TRPM3: variants seen among roughly 807,000 people sequenced by gnomAD.
The protein encoded by TRPM3 is transient receptor potential cation channel subfamily M member 3.
Under a neutral mutation model 181.2 loss-of-function variants are expected in TRPM3, and 77 were observed. That is an observed-to-expected ratio of 0.42 (90% confidence interval 0.35 to 0.51). The LOEUF (loss-of-function observed/expected upper bound fraction) is 0.51. Ranked by LOEUF, TRPM3 falls within the 20% of genes least tolerant of loss-of-function variation. The probability of loss-of-function intolerance (pLI) is 0.01; values close to 1 mark genes in which losing one functional copy is unlikely to be tolerated. For missense variants in TRPM3, 1,759 were observed against 2,196.7 expected (o/e 0.80, Z 3.98); for synonymous variants, 745 against 796.4 (o/e 0.94, Z 1.09).
chr9:71,427,111 C>T (rs931669993), intron 1 of TRPM3, among the ~76,000 whole-genome samples: 2 of 152,128 alleles, frequency 1.3e-5, no homozygotes, highest in Non-Finnish European at 2.9e-5. Flanking sequence ...TACCTTAGAA[C>T]AATAATGCCT....
chr9:71,144,338 T>C (rs2075292983), intron 1 of TRPM3, among the ~76,000 whole-genome samples: 1 of 152,184 alleles, frequency 6.6e-6, no homozygotes, highest in African/African-American at 2.4e-5. Context: ...TTCCAAGCCT[T>C]TTTAATCCTA....
chr9:71,183,096 TAGTC>T (rs1379245359), intron 1 of TRPM3, among the ~76,000 whole-genome samples: 1 of 152,126 alleles, frequency 6.6e-6, no homozygotes, highest in Admixed American at 6.5e-5. Flanking sequence ...AGGTAGTAAA[TAGTC>T]AGGGCTTTTT....
Position 71,325,278 on chromosome 9 carries a change from C to A in TRPM3, c.183+121375G>T, listed in dbSNP as rs566811661. On this transcript the variant is annotated intron_variant, in intron 1 of 24. Transcript: ENST00000357533. ...TTTAGTGAAATCGGACAAATATCAA[C>A]CAAAGTCAATTTCTATGTTGCAGGC... Among the ~76,000 whole-genome samples, 115 of 152,258 alleles carry A rather than the reference C, an allele frequency of 7.6e-4. 1 individual carries two copies. Among genetic ancestry groups the A allele is most frequent in the African/African-American group, 2.6e-3 (107 of 41,546 alleles).
At chr9:70,980,623 A>C (rs1352427559) in intron 1 of TRPM3, among the ~76,000 whole-genome samples, 2 of 152,040 alleles carry the variant, frequency 1.3e-5, no homozygotes, top group African/African-American at 4.8e-5. Context: ...TGATTTACTC[A>C]TTCTTCTGTA....
At chr9:71,393,187 T>C (rs1340331135) in intron 1 of TRPM3, among the ~76,000 whole-genome samples, 5 of 152,116 alleles carry the variant, frequency 3.3e-5, no homozygotes, top group African/African-American at 1.2e-4. Context: ...GAGAAGTGAA[T>C]TGACTTTCAG....
intron 1 of TRPM3, among the ~76,000 whole-genome samples, chr9:70,963,911 T>C (rs2097161685): frequency 6.6e-6 from 1 of 152,122 alleles, no homozygotes; most frequent in African/African-American, 2.4e-5. Context: ...AGGCCAATTA[T>C]AATATTAAAG....
intron 1 of TRPM3, among the ~76,000 whole-genome samples, chr9:71,216,688 T>C (rs535122361): frequency 3.9e-5 from 6 of 152,186 alleles, no homozygotes; most frequent in Non-Finnish European, 8.8e-5. Flanking sequence ...TCCTCTTCCC[T>C]GTAAATTCTT....
At chr9:70,836,312 C>T (rs2094318075) in intron 5 of TRPM3, among the ~76,000 whole-genome samples, 2 of 152,016 alleles carry the variant, frequency 1.3e-5, no homozygotes, top group South Asian at 2.1e-4. Flanking sequence ...ACTCCAGTCT[C>T]CCCCCATCTT....
At chr9:71,180,371 T>G (rs934111646) in intron 1 of TRPM3, among the ~76,000 whole-genome samples, 2 of 152,134 alleles carry the variant, frequency 1.3e-5, no homozygotes, top group Non-Finnish European at 1.5e-5. Context: ...ACATCTTTCT[T>G]AGAAAGGGCT....
At chr9:71,396,284 C>CA (rs1414299593) in intron 1 of TRPM3, among the ~76,000 whole-genome samples, 1 of 115,566 alleles carries the variant, frequency 8.7e-6, no homozygotes, top group Non-Finnish European at 1.8e-5. Context: ...AACAAACAAA[C>CA]AAAAAAAGTG....
intron 1 of TRPM3, among the ~76,000 whole-genome samples, chr9:71,133,424 C>G (rs908020374): frequency 2.0e-5 from 3 of 151,604 alleles, no homozygotes; most frequent in Non-Finnish European, 4.4e-5. Context: ...CCTCCCCTCC[C>G]GAGTAGCTGG....
chr9:70,687,961 T>A (rs1250710926), intron 8 of TRPM3, among the ~76,000 whole-genome samples: 1 of 152,190 alleles, frequency 6.6e-6, no homozygotes, highest in Non-Finnish European at 1.5e-5. Context: ...AGAGCAAAAG[T>A]AAGTAAAACA....
intron 7 of TRPM3, among the ~76,000 whole-genome samples, chr9:70,770,151 A>G (rs1385931915): frequency 6.6e-6 from 1 of 152,222 alleles, no homozygotes; most frequent in East Asian, 1.9e-4. Context: ...CACACCTATA[A>G]TCCCAGCACT....
chr9:70,810,774 A>G (rs2091882148), intron 6 of TRPM3, among the ~76,000 whole-genome samples: 1 of 152,192 alleles, frequency 6.6e-6, no homozygotes, highest in Non-Finnish European at 1.5e-5. Context: ...TGTGCCACTA[A>G]TTGGATTTAA....
intron 1 of TRPM3, among the ~76,000 whole-genome samples, chr9:71,366,701 T>G (rs1456625446): frequency 2.6e-5 from 4 of 152,320 alleles, no homozygotes; most frequent in African/African-American, 9.6e-5. Flanking sequence ...TATTTAAAAT[T>G]TATATACATA....
At position 70,535,632 on chromosome 9, in the gene TRPM3, T is replaced by G; in HGVS notation, c.*321A>C. ...TGGCATGGAGCGTGCTCGAAGCCCCTTGTTTCCCCTGCTCTCATGGCTTTC... is the reference window on the plus strand; with the variant it reads ...TGGCATGGAGCGTGCTCGAAGCCCCGTGTTTCCCCTGCTCTCATGGCTTTC... On this transcript the variant is annotated 3_prime_UTR_variant, in exon 26 of 26. Transcript: ENST00000677713. 1.4e-6 allele frequency: 2 copies of G among 1,454,978 alleles called. No homozygotes were observed. Among genetic ancestry groups the G allele is most frequent in the Non-Finnish European group, 1.8e-6 (2 of 1,111,118 alleles). 90.1% of individuals were successfully genotyped at this position (1,454,978 alleles called of 1,614,324 possible). A position where few individuals can be genotyped will look rare whatever the true frequency, so the allele number is the denominator to read the frequency against.
intron 1 of TRPM3, among the ~76,000 whole-genome samples, chr9:71,216,573 A>T (rs2079879378): frequency 6.6e-6 from 1 of 152,220 alleles, no homozygotes; most frequent in Non-Finnish European, 1.5e-5. Flanking sequence ...AAGGTACATA[A>T]TTAGTTAATT....
At chr9:70,946,437 T>G (rs992864315) in intron 1 of TRPM3, among the ~76,000 whole-genome samples, 15 of 57,574 alleles carry the variant, frequency 2.6e-4, no homozygotes, top group Admixed American at 2.4e-3. Context: ...TAAATGGTAA[T>G]AATAATAATA....
At chr9:70,769,902 A>G (rs1307358311) in intron 7 of TRPM3, among the ~76,000 whole-genome samples, 1 of 152,186 alleles carries the variant, frequency 6.6e-6, no homozygotes, top group Non-Finnish European at 1.5e-5. Flanking sequence ...TGCTTGCTTT[A>G]GGTGGGTGAC....
Sources: gnomAD v4.1 joint callset for allele counts (sites outside exome capture counted in the v4.1 genomes callset) on GRCh38, gnomAD v4.1.1 for gene constraint, MANE v1.5 for transcripts, NCBI Gene and HGNC (gene_info 2026-07-23, HGNC 2026-07-21) for gene names.